PCDHA3: variants seen among roughly 807,000 people sequenced by gnomAD.
PCDHA3 encodes protocadherin alpha 3.
Under a neutral mutation model 62.2 loss-of-function variants are expected in PCDHA3, and 41 were observed. That is an observed-to-expected ratio of 0.66 (90% confidence interval 0.51 to 0.86). The LOEUF (loss-of-function observed/expected upper bound fraction) is 0.86, where lower values mean the gene tolerates loss of function less well. Among genes scored for constraint, PCDHA3 ranks in the 40% least tolerant of loss-of-function variants. PCDHA3 has a pLI of 0.00. For synonymous variants in PCDHA3, 640 were observed against 555.4 expected, an observed-to-expected ratio of 1.15 and a Z score of -2.14; for missense variants, 1,304 against 1,241.2, an observed-to-expected ratio of 1.05 and a Z score of -0.76.
intron 1 of PCDHA3, among the ~76,000 whole-genome samples, chr5:140,946,629 T>TATATATATATATATATATAC (rs1367833800): frequency 1.4e-4 from 17 of 123,272 alleles, no homozygotes; most frequent in African/African-American, 5.1e-4. Context: ...TATATATATA[T>TATATATATATATATATATAC]ATACAATGGA....
At position 140,843,422 on chromosome 5, in the gene PCDHA3, A is replaced by T. The variant is rs2150359586; in HGVS notation, c.2394+39831A>T. The T allele has an allele frequency of 9.4e-6, 15 of 1,595,774 alleles. 3 individuals are homozygous for T. Among genetic ancestry groups the T allele is most frequent in the Admixed American group, 5.1e-5 (3 of 59,266 alleles). The stretch of plus-strand genomic sequence containing the variant: ...GCTGGTGGATGTCAACGTGTACCTG[A>T]TCATCGCCATCTGCGCGGTATCCAG... On this transcript the variant is annotated intron_variant, in intron 1 of 3. Transcript: ENST00000522353.
intron 1 of PCDHA3, among the ~76,000 whole-genome samples, chr5:140,953,278 T>C (rs1227774652): frequency 6.6e-5 from 10 of 152,146 alleles, no homozygotes; most frequent in African/African-American, 2.4e-4. Flanking sequence ...CTTTGCTCTT[T>C]ATATGTGATT....
intron 1 of PCDHA3, chr5:140,927,374 ACAGCCTAAGCCCCAGT>A: frequency 6.2e-7 from 1 of 1,614,100 alleles, no homozygotes; most frequent in Non-Finnish European, 8.5e-7. Flanking sequence ...ATACTAAGCT[ACAGCCTAAGCCCCAGT>A]CAGCACTTTC....
Position 140,803,043 on chromosome 5 carries a change from G to C in PCDHA3, c.1846G>C (p.Gly616Arg), listed in dbSNP as rs142788061. 6.2e-6 allele frequency: 10 copies of C among 1,613,896 alleles called. No homozygotes were observed. The highest frequency in any genetic ancestry group is 8.5e-6 in the Non-Finnish European group (10 of 1,179,950). Reference sequence around the variant, plus strand: ...TTCGTATGAGCTGCAGCCTGGGACCGGCGGTGCGCGCATCCCGTTTCGCGT... The same window carrying C: ...TTCGTATGAGCTGCAGCCTGGGACCCGCGGTGCGCGCATCCCGTTTCGCGT... ...WLSYELQPGT[G>R]GARIPFRVGL... Residue 616 changes from glycine (G) to arginine (R), a missense_variant, in exon 1 of 4, where the codon GGC (glycine) becomes CGC (arginine). Physicochemically the swap from Gly to Arg is moderately radical, Grantham distance 125. Transcript: ENST00000522353.
chr5:140,805,779 A>C (rs745828596), intron 1 of PCDHA3: 10 of 190,748 alleles, frequency 5.2e-5, no homozygotes, highest in Non-Finnish European at 5.8e-5. Context: ...ATGTCTAGAG[A>C]CTTTTTTTGT....
rs575152424 is a variant in PCDHA3 at position 140,895,872 on chromosome 5, C to T, written c.2395-83077C>T. Among the ~76,000 whole-genome samples, 3 of 152,222 alleles carry T rather than the reference C, an allele frequency of 2.0e-5. No homozygotes were observed. The South Asian group carries it at 6.2e-4, about 32-fold the overall frequency. ...TGTACCCCAGGCTGGAGTGCAATGG[C>T]GCGATCTCGGCTCACTGCAACCTCC... On this transcript the variant is annotated intron_variant, in intron 1 of 3. Transcript: ENST00000522353.
intron 1 of PCDHA3, chr5:140,859,685 A>AT (rs1250609126): frequency 6.5e-6 from 1 of 154,692 alleles, no homozygotes; most frequent in Admixed American, 6.4e-5. Context: ...TAAAATTAAA[A>AT]TTATTGTTCA....
Position 140,801,262 on chromosome 5 carries a change from C to A in PCDHA3, c.65C>A (p.Ala22Glu), listed in dbSNP as rs782251011. 3.1e-6 allele frequency: 5 copies of A among 1,613,770 alleles called. No homozygotes were observed. The highest frequency in any genetic ancestry group is 4.2e-6 in the Non-Finnish European group (5 of 1,179,888). The part of the protein sequence containing the change: ...QCLLLSLLLL[A>E]ASEVGSGQLH... ...CTGCTGCTTTCTCTTCTGCTCCTCGCAGCCTCGGAGGTGGGGAGCGGCCAG... is the reference window on the plus strand; with the variant it reads ...CTGCTGCTTTCTCTTCTGCTCCTCGAAGCCTCGGAGGTGGGGAGCGGCCAG... Residue 22 changes from alanine (A) to glutamate (E), a missense_variant, in exon 1 of 4, where the codon GCA becomes GAA. By Grantham distance (107) the Ala-to-Glu change is moderately radical. Transcript: ENST00000522353.
At chr5:140,823,497 C>T in intron 1 of PCDHA3, 1 of 1,613,246 alleles carries the variant, frequency 6.2e-7, no homozygotes, top group Non-Finnish European at 8.5e-7. Flanking sequence ...GCACCGGCGG[C>T]GCAGTGAGCG....
chr5:140,905,162 G>A (rs2071641359), intron 1 of PCDHA3, among the ~76,000 whole-genome samples: 1 of 152,118 alleles, frequency 6.6e-6, no homozygotes, highest in African/African-American at 2.4e-5. Flanking sequence ...GAATTTTCAT[G>A]GTTTCAGGTT....
At chr5:140,967,498 T>A (rs1554229623) in intron 1 of PCDHA3, 3 of 1,613,108 alleles carry the variant, frequency 1.9e-6, no homozygotes, top group Non-Finnish European at 2.5e-6. Flanking sequence ...CACAGATCTC[T>A]GTGCGTGTCC....
intron 1 of PCDHA3, among the ~76,000 whole-genome samples, chr5:140,903,617 G>T (rs1488747657): frequency 1.3e-5 from 2 of 152,140 alleles, no homozygotes; most frequent in Non-Finnish European, 2.9e-5. Context: ...ACATGAATGT[G>T]CATGCATATG....
rs782788996 is a variant in PCDHA3 at position 140,802,655 on chromosome 5, G to T, written c.1458G>T (p.Glu486Asp). ...TVSARDADAQ[E>D]NALVSYSLVE... is the part of the protein sequence containing the mutation. The stretch of plus-strand genomic sequence containing the variant: ...CTGCGCGGGACGCGGACGCGCAGGA[G>T]AACGCCCTGGTGTCCTACTCGCTGG... The change falls in exon 1 of 4, where the codon GAG becomes GAT. Residue 486 changes from glutamate (E) to aspartate (D), a missense_variant. Physicochemically the swap from Glu to Asp is conservative, Grantham distance 45. Transcript: ENST00000522353. 40 of 1,613,530 alleles carry T rather than the reference G, an allele frequency of 2.5e-5. No individual in the cohort carries two copies. The Admixed American group carries it at 5.0e-4, about 20-fold the overall frequency.
intron 1 of PCDHA3, chr5:140,861,595 T>G (rs1195852387): frequency 1.9e-5 from 7 of 367,584 alleles, no homozygotes; most frequent in Admixed American, 8.8e-5. Context: ...GAGGTGAAAG[T>G]GAAGAACAAT....
intron 3 of PCDHA3, among the ~76,000 whole-genome samples, chr5:140,986,734 C>T (rs2153854061): frequency 6.6e-6 from 1 of 152,260 alleles, no homozygotes; most frequent in Non-Finnish European, 1.5e-5. Context: ...TCTCAAGACC[C>T]CAGGGGATCT....
At chr5:140,890,890 T>C (rs2062844225) in intron 1 of PCDHA3, among the ~76,000 whole-genome samples, 1 of 152,192 alleles carries the variant, frequency 6.6e-6, no homozygotes, top group South Asian at 2.1e-4. Context: ...TCAGGGATTA[T>C]TGTCTTTCCA....
At chr5:140,839,353 G>A (rs1421791877) in intron 1 of PCDHA3, among the ~76,000 whole-genome samples, 1 of 144,986 alleles carries the variant, frequency 6.9e-6, no homozygotes, top group Non-Finnish European at 1.5e-5. Context: ...ATCCTCCTTA[G>A]CCACCTAAGC....
At chr5:141,009,104 T>G (rs2098399543) in intron 3 of PCDHA3, among the ~76,000 whole-genome samples, 1 of 152,220 alleles carries the variant, frequency 6.6e-6, no homozygotes, top group Non-Finnish European at 1.5e-5. Flanking sequence ...CATATGTTAC[T>G]ATGAAACTAG....
At chr5:140,862,972 C>T (rs1554157331) in intron 1 of PCDHA3, 1 of 545,254 alleles carries the variant, frequency 1.8e-6, no homozygotes, top group Non-Finnish European at 3.6e-6. Flanking sequence ...ATGCAGGCCA[C>T]TTGGTGGCGA....
Sources: gnomAD v4.1 joint callset for allele counts (sites outside exome capture counted in the v4.1 genomes callset) on GRCh38, gnomAD v4.1.1 for gene constraint, MANE v1.5 for transcripts, NCBI Gene and HGNC (gene_info 2026-07-23, HGNC 2026-07-21) for gene names.